The following DPP10 variants were observed in gnomAD, a reference collection of about 807,000 sequenced individuals.
DPP10 encodes inactive dipeptidyl peptidase 10.
DPP10 carries 33 observed loss-of-function variants against 120.9 expected under a neutral mutation model. The ratio of observed to expected loss-of-function variants is 0.27; its 90% CI spans 0.21 to 0.37. The LOEUF (loss-of-function observed/expected upper bound fraction) is 0.37. Among genes scored for constraint, DPP10 ranks in the 10% least tolerant of loss-of-function variants. The pLI is 1.00. For missense variants in DPP10, 816 were observed against 942.8 expected, an observed-to-expected ratio of 0.87 and a Z score of 1.76; for synonymous variants, 337 against 326.1, an observed-to-expected ratio of 1.03 and a Z score of -0.36.
chr2:114,942,402 C>CACAT (rs371203509), intron 1 of DPP10, among the ~76,000 whole-genome samples: 1 of 127,812 alleles, frequency 7.8e-6, no homozygotes, highest in African/African-American at 3.1e-5. Context: ...CACACACACA[C>CACAT]ATATATATAT....
intron 1 of DPP10, among the ~76,000 whole-genome samples, chr2:115,233,511 A>G (rs551151437): frequency 6.6e-6 from 1 of 152,218 alleles, no homozygotes; most frequent in African/African-American, 2.4e-5. Flanking sequence ...TTGGAGCTGG[A>G]GAAGACCTGT....
At chr2:115,308,056 C>T (rs906045596) in intron 1 of DPP10, among the ~76,000 whole-genome samples, 8 of 152,060 alleles carry the variant, frequency 5.3e-5, no homozygotes, top group African/African-American at 1.7e-4. Context: ...AAAATGCCTC[C>T]TATGCATGGT....
At chr2:114,679,884 G>C (rs1286989739) in intron 1 of DPP10, among the ~76,000 whole-genome samples, 1 of 151,930 alleles carries the variant, frequency 6.6e-6, no homozygotes, top group East Asian at 1.9e-4. Flanking sequence ...CTTCAGCATA[G>C]AAAACCTCTA....
chr2:115,576,581 G>A (rs973091474), intron 5 of DPP10, among the ~76,000 whole-genome samples: 1 of 152,288 alleles, frequency 6.6e-6, no homozygotes, highest in African/African-American at 2.4e-5. Context: ...TGGGAAGAAG[G>A]AGACTGCATG....
chr2:115,063,041 C>T (rs1706544527), intron 1 of DPP10, among the ~76,000 whole-genome samples: 1 of 152,148 alleles, frequency 6.6e-6, no homozygotes, highest in African/African-American at 2.4e-5. Context: ...TCCACAACCT[C>T]CCCAGCATCT....
At chr2:114,830,125 A>G (rs1249256802) in intron 1 of DPP10, among the ~76,000 whole-genome samples, 1 of 151,830 alleles carries the variant, frequency 6.6e-6, no homozygotes, top group East Asian at 1.9e-4. Flanking sequence ...TCTAATTTTC[A>G]CAGTCCCATC....
At chr2:115,817,497 T>G (rs1687375910) in intron 21 of DPP10, among the ~76,000 whole-genome samples, 1 of 152,078 alleles carries the variant, frequency 6.6e-6, no homozygotes, top group African/African-American at 2.4e-5. Context: ...TCAGTGCAAA[T>G]CACGACCATC....
intron 1 of DPP10, among the ~76,000 whole-genome samples, chr2:114,873,107 T>A (rs972906717): frequency 4.6e-5 from 7 of 152,318 alleles, no homozygotes; most frequent in African/African-American, 1.7e-4. Context: ...CAAATGTGTC[T>A]GCACTGAGAG....
chr2:115,063,943 C>T (rs75790237), intron 1 of DPP10, among the ~76,000 whole-genome samples: 4,661 of 152,098 alleles, frequency 0.031, 243 homozygotes, highest in African/African-American at 0.11. Context: ...ATTAGCTTGT[C>T]TCATTCATCT....
At chr2:115,530,781 A>G (rs374449297) in intron 5 of DPP10, among the ~76,000 whole-genome samples, 2 of 152,128 alleles carry the variant, frequency 1.3e-5, no homozygotes, top group African/African-American at 4.8e-5. Flanking sequence ...GAGTTTTACA[A>G]ATTGTTTATG....
chr2:114,883,788 G>C (rs969616636), intron 1 of DPP10, among the ~76,000 whole-genome samples: 2 of 152,154 alleles, frequency 1.3e-5, no homozygotes, highest in Non-Finnish European at 2.9e-5. Context: ...TCACTCACAG[G>C]TCTGGCATTC....
chr2:115,259,402 T>C (rs1452775116), intron 1 of DPP10, among the ~76,000 whole-genome samples: 2 of 151,524 alleles, frequency 1.3e-5, no homozygotes, highest in Non-Finnish European at 2.9e-5. Flanking sequence ...GAGAATCACT[T>C]GAACCCGGGA....
intron 1 of DPP10, among the ~76,000 whole-genome samples, chr2:114,933,413 G>A (rs1043212610): frequency 4.2e-4 from 64 of 152,132 alleles, no homozygotes; most frequent in Admixed American, 6.6e-5. Context: ...GTTCATAAAC[G>A]GGGTAAAAAG....
intron 1 of DPP10, among the ~76,000 whole-genome samples, chr2:115,177,276 G>A (rs17044160): frequency 0.012 from 1,752 of 152,196 alleles, 29 homozygotes; most frequent in African/African-American, 0.036. Flanking sequence ...CTTGTCTCCC[G>A]TAATGAACTT....
chr2:114,894,756 G>T (rs1289030367), intron 1 of DPP10, among the ~76,000 whole-genome samples: 1 of 151,840 alleles, frequency 6.6e-6, no homozygotes, highest in African/African-American at 2.4e-5. Context: ...CTTACCAGCA[G>T]AAAACTTAAA....
rs527718304 is a variant in DPP10, at chr2:115,192,847, T to C, written c.61-116392T>C. ...TTAGTGCTTTAAGAAAAACCCATTG[T>C]GCTTTGATTTTAATAAAAAATTAAA... is the stretch of plus-strand genomic sequence containing the variant. On this transcript the variant is annotated intron_variant, in intron 1 of 25. Coordinates refer to ENST00000410059, the MANE Select transcript of DPP10 (RefSeq NM_020868.6). 3.3e-5 allele frequency among the ~76,000 whole-genome samples: 5 copies of C among 151,846 alleles called. No individual in the cohort carries two copies. In the East Asian group the frequency reaches 9.7e-4, roughly 29 times the overall value.
intron 3 of DPP10, among the ~76,000 whole-genome samples, chr2:115,472,582 C>T (rs1375135820): frequency 6.6e-6 from 1 of 152,162 alleles, no homozygotes; most frequent in Non-Finnish European, 1.5e-5. Context: ...TGCCTAATTG[C>T]TACCTTTGTT....
chr2:114,574,169 A>G (rs1479872214), intron 1 of DPP10, among the ~76,000 whole-genome samples: 2 of 152,124 alleles, frequency 1.3e-5, no homozygotes, highest in Non-Finnish European at 2.9e-5. Context: ...CCATTTTACC[A>G]CTTTATATTA....
intron 1 of DPP10, among the ~76,000 whole-genome samples, chr2:115,155,860 A>G (rs1358590085): frequency 1.3e-5 from 2 of 152,210 alleles, no homozygotes; most frequent in East Asian, 1.9e-4. Context: ...CATCCCTAAC[A>G]ACTTCAGAAT....
Sources: allele counts gnomAD v4.1 joint callset (sites outside exome capture counted in the v4.1 genomes callset), GRCh38; gene constraint gnomAD v4.1.1; transcripts MANE v1.5; gene names NCBI Gene and HGNC (gene_info 2026-07-23, HGNC 2026-07-21).